The following SLC10A7 variants were observed in gnomAD, a reference collection of about 807,000 sequenced individuals.
The protein encoded by SLC10A7 is solute carrier family 10 member 7, also known as sodium/bile acid cotransporter 7.
SLC10A7 carries 29 observed loss-of-function variants against 43.2 expected under a neutral mutation model. That is an observed-to-expected ratio of 0.67 (90% confidence interval 0.50 to 0.92). SLC10A7 has a LOEUF of 0.92. Ranked by LOEUF, SLC10A7 falls within the 40% of genes least tolerant of loss-of-function variation. The pLI is 0.00. For synonymous variants in SLC10A7, 152 were observed against 144.8 expected (o/e 1.05, Z -0.35); for missense variants, 295 against 403.2 (o/e 0.73, Z 2.30).
intron 5 of SLC10A7, among the ~76,000 whole-genome samples, chr4:146,404,989 G>A (rs1053856940): frequency 6.6e-6 from 1 of 152,204 alleles, no homozygotes; most frequent in East Asian, 1.9e-4. Flanking sequence ...TGTTACTAAC[G>A]AGTGACCTGG....
intron 4 of SLC10A7, among the ~76,000 whole-genome samples, chr4:146,487,815 G>A (rs1242098673): frequency 6.6e-6 from 1 of 152,134 alleles, no homozygotes; most frequent in African/African-American, 2.4e-5. Flanking sequence ...GGAGGCCAAG[G>A]TAGGAGGATT....
In SLC10A7 at chr4:146,366,374, A is replaced by G. The variant is rs1736393546; in HGVS notation, c.436-40378T>C. Among the ~76,000 whole-genome samples, 4 of 152,220 alleles carry G rather than the reference A, an allele frequency of 2.6e-5. No individual in the cohort carries two copies. The South Asian group carries it at 8.3e-4, about 32-fold the overall frequency. ...AATATTCATACTTAATGAGACAAAT[A>G]CATAATAAAAACAGCCTTATGTCAT... On this transcript the variant is annotated intron_variant, in intron 5 of 11. Coordinates refer to ENST00000335472, the MANE Select transcript of SLC10A7 (RefSeq NM_001029998.6).
intron 9 of SLC10A7, among the ~76,000 whole-genome samples, chr4:146,290,117 G>T (rs1730326427): frequency 6.6e-6 from 1 of 150,802 alleles, no homozygotes. Flanking sequence ...AAGGTCAGGA[G>T]ATCCAGACCA....
intron 9 of SLC10A7, among the ~76,000 whole-genome samples, chr4:146,287,259 T>G (rs2111152278): frequency 6.6e-6 from 1 of 152,096 alleles, no homozygotes; most frequent in African/African-American, 2.4e-5. Flanking sequence ...TTTCAAGAAA[T>G]CTGGCAAAGG....
chr4:146,510,685 T>C (rs1054467544), intron 2 of SLC10A7, among the ~76,000 whole-genome samples: 1 of 152,214 alleles, frequency 6.6e-6, no homozygotes, highest in Non-Finnish European at 1.5e-5. Context: ...GATTTGGGGA[T>C]TGTTGAACAA....
chr4:146,369,814 A>G (rs539504079), intron 5 of SLC10A7, among the ~76,000 whole-genome samples: 1 of 152,296 alleles, frequency 6.6e-6, no homozygotes, highest in South Asian at 2.1e-4. Context: ...ATGATACTAT[A>G]AGCATAAAAC....
At chr4:146,259,978 G>A (rs1183585837) in intron 10 of SLC10A7, among the ~76,000 whole-genome samples, 4 of 152,154 alleles carry the variant, frequency 2.6e-5, no homozygotes. Context: ...CAACAAGGAA[G>A]GCTTAGCTTT....
At chr4:146,299,129 A>C (rs1156589508) in intron 7 of SLC10A7, among the ~76,000 whole-genome samples, 1 of 152,210 alleles carries the variant, frequency 6.6e-6, no homozygotes, top group Non-Finnish European at 1.5e-5. Context: ...TTTTCTGTTT[A>C]ACCAGTAATG....
chr4:146,466,032 T>G (rs1732996355), intron 4 of SLC10A7, among the ~76,000 whole-genome samples: 2 of 152,314 alleles, frequency 1.3e-5, no homozygotes, highest in South Asian at 4.1e-4. Context: ...GAAAGAAGTT[T>G]ATGTGTTTTA....
intron 5 of SLC10A7, among the ~76,000 whole-genome samples, chr4:146,333,431 T>C (rs1476373828): frequency 1.3e-5 from 2 of 152,094 alleles, no homozygotes; most frequent in South Asian, 2.1e-4. Context: ...AAAATGATAA[T>C]GTTCAAAATG....
chr4:146,258,613 A>C lies in SLC10A7; in HGVS notation c.993+79T>G. 1.7e-5 allele frequency: 24 copies of C among 1,388,968 alleles called. 3 individuals are homozygous for C. The South Asian group carries it at 3.6e-4, about 21-fold the overall frequency. 86.0% of individuals were successfully genotyped at this position (1,388,968 alleles called of 1,614,324 possible). ...AAACAAAGATATGCAAGCAAAATCG[A>C]AAGTGTATGAACAGTTCAGATTCAG... On this transcript the variant is annotated intron_variant, in intron 11 of 11. Transcript: ENST00000335472.
At chr4:146,337,505 A>G (rs918025202) in intron 5 of SLC10A7, among the ~76,000 whole-genome samples, 20 of 150,900 alleles carry the variant, frequency 1.3e-4, no homozygotes, top group Admixed American at 1.3e-4. Context: ...TGGCCTGAAT[A>G]TTATACATAG....
At chr4:146,458,305 A>G (rs1442154014) in intron 4 of SLC10A7, among the ~76,000 whole-genome samples, 1 of 151,770 alleles carries the variant, frequency 6.6e-6, no homozygotes, top group African/African-American at 2.4e-5. Context: ...TTAGAAGACT[A>G]GAACTGATAA....
At chr4:146,465,279 T>C (rs1732916738) in intron 4 of SLC10A7, among the ~76,000 whole-genome samples, 1 of 152,132 alleles carries the variant, frequency 6.6e-6, no homozygotes, top group African/African-American at 2.4e-5. Context: ...TACTTAACAG[T>C]AAGAATATAC....
Position 146,391,997 on chromosome 4 carries a change from C to G in SLC10A7, c.435+50786G>C, listed in dbSNP as rs562868615. Among the ~76,000 whole-genome samples the G allele has an allele frequency of 1.3e-5, 2 of 152,300 alleles. 1 individual carries two copies. Among genetic ancestry groups the G allele is most frequent in the Middle Eastern group, 6.8e-3 (2 of 294 alleles). On this transcript the variant is annotated intron_variant, in intron 5 of 11. Transcript: ENST00000335472. ...CCATCAATAACACTGAACATATCTG[C>G]TGAAACCCGCAGATTCCAAGACATT...
chr4:146,269,098 G>T (rs1259607302), intron 10 of SLC10A7, among the ~76,000 whole-genome samples: 2 of 152,196 alleles, frequency 1.3e-5, no homozygotes, highest in East Asian at 1.9e-4. Context: ...CCATCACTTT[G>T]CTGAAAGTTT....
chr4:146,424,472 C>A (rs185876820), intron 5 of SLC10A7, among the ~76,000 whole-genome samples: 34 of 152,132 alleles, frequency 2.2e-4, no homozygotes, highest in Admixed American at 3.9e-4. Flanking sequence ...ACCAGCCTGG[C>A]CAATGTAGTG....
chr4:146,509,401 C>T (rs1737241457), intron 3 of SLC10A7, among the ~76,000 whole-genome samples: 1 of 152,190 alleles, frequency 6.6e-6, no homozygotes, highest in African/African-American at 2.4e-5. Flanking sequence ...ACATTAAAAA[C>T]TATTTAAAAA....
At chr4:146,393,084 T>C (rs747794980) in intron 5 of SLC10A7, among the ~76,000 whole-genome samples, 9 of 141,370 alleles carry the variant, frequency 6.4e-5, no homozygotes, top group Admixed American at 7.8e-5. Context: ...TGCAGGGTGG[T>C]GGGTGGCTGA....
Sources: allele counts gnomAD v4.1 joint callset (sites outside exome capture counted in the v4.1 genomes callset), GRCh38; gene constraint gnomAD v4.1.1; transcripts MANE v1.5; gene names NCBI Gene and HGNC (gene_info 2026-07-23, HGNC 2026-07-21).